The following MAD1L1 variants were observed in gnomAD, a reference collection of about 807,000 sequenced individuals.
The protein encoded by MAD1L1 is mitotic spindle assembly checkpoint protein MAD1.
A neutral mutation model predicts 96.9 loss-of-function variants in MAD1L1; 95 were observed. The observed-to-expected ratio is 0.98, with a 90% CI of 0.83 to 1.16. MAD1L1 has a LOEUF of 1.16. MAD1L1 is among the 50% of genes most tolerant of loss of function. MAD1L1 has a pLI of 0.00. For synonymous variants in MAD1L1, 473 were observed against 396.6 expected (o/e 1.19, Z -2.29); for missense variants, 1,007 against 954.4 (o/e 1.06, Z -0.73).
rs1044152150 is a variant in MAD1L1, at chr7:2,009,263, G to T, written c.1359+5239C>A. The stretch of plus-strand genomic sequence containing the variant: ...TGCCTGTGATCCAACACTCCTGCCA[G>T]CCAGGACATGGCAGAAAATGGCTAG... On this transcript the variant is annotated intron_variant, in intron 13 of 18. Coordinates refer to ENST00000265854, the MANE Select transcript of MAD1L1 (RefSeq NM_001013836.2). Among the ~76,000 whole-genome samples, 4 of 152,198 alleles carry T rather than the reference G, an allele frequency of 2.6e-5. No homozygotes were observed. The South Asian group carries it at 8.3e-4, about 32-fold the overall frequency.
chr7:2,164,496 G>A (rs940334556), intron 10 of MAD1L1, among the ~76,000 whole-genome samples: 22 of 149,978 alleles, frequency 1.5e-4, no homozygotes, highest in Admixed American at 9.3e-4. Context: ...AGGGGCAGAC[G>A]GCATGCCTAT....
chr7:1,910,076 G>A (rs1486764441), intron 17 of MAD1L1, among the ~76,000 whole-genome samples: 4 of 152,124 alleles, frequency 2.6e-5, no homozygotes, highest in African/African-American at 4.8e-5. Flanking sequence ...ACCAGATTAC[G>A]GGGTGGGAGA....
intron 11 of MAD1L1, among the ~76,000 whole-genome samples, chr7:2,145,906 C>A (rs1789273225): frequency 6.6e-6 from 1 of 152,232 alleles, no homozygotes; most frequent in South Asian, 2.1e-4. Flanking sequence ...TGGCTTCTGG[C>A]TTCACGGACG....
chr7:2,022,111 G>A lies in MAD1L1; in HGVS notation c.1219-7469C>T, dbSNP rs146187726. Among the ~76,000 whole-genome samples the A allele has an allele frequency of 1.7e-3, 252 of 152,168 alleles. 1 individual carries two copies. Among genetic ancestry groups the A allele is most frequent in the African/African-American group, 5.8e-3 (239 of 41,532 alleles). ...GCTGGGACTGCAGCTGTGAGCCGCT[G>A]AGCCTAGCTTACTTTCCTTAGTCTC... On this transcript the variant is annotated intron_variant, in intron 12 of 18. Coordinates refer to ENST00000265854, the MANE Select transcript of MAD1L1 (RefSeq NM_001013836.2).
intron 18 of MAD1L1, among the ~76,000 whole-genome samples, chr7:1,850,893 G>C (rs147249600): frequency 3.9e-4 from 59 of 152,256 alleles, no homozygotes; most frequent in African/African-American, 1.4e-3. Flanking sequence ...AAACCTGCCT[G>C]ACCCCGTGTG....
intron 15 of MAD1L1, among the ~76,000 whole-genome samples, chr7:1,975,531 G>C (rs896880402): frequency 2.6e-5 from 4 of 152,220 alleles, no homozygotes; most frequent in Non-Finnish European, 1.5e-5. Context: ...AAGCTTGGCA[G>C]GCAGGGACTG....
chr7:1,876,914 G>GA lies in MAD1L1; in HGVS notation c.1998+21285_1998+21286insT, dbSNP rs1554280463. On this transcript the variant is annotated intron_variant, in intron 18 of 18. Transcript: ENST00000265854. ...TGGGAAGGTGCGGTTCCATCTCCAG[G>GA]CCCCCCGCCCTGGTCCTCCTCCCAC... Among the ~76,000 whole-genome samples the GA allele has an allele frequency of 1.7e-5, 2 of 119,328 alleles. 1 individual carries two copies. The highest frequency in any genetic ancestry group is 3.8e-5 in the Non-Finnish European group (2 of 53,084). 78.3% of individuals were successfully genotyped at this position (119,328 alleles called of 152,430 possible). A position where few individuals can be genotyped will look rare whatever the true frequency, so the allele number is the denominator to read the frequency against.
intron 16 of MAD1L1, among the ~76,000 whole-genome samples, chr7:1,955,595 G>C (rs775500032): frequency 3.9e-5 from 6 of 152,186 alleles, no homozygotes; most frequent in African/African-American, 9.7e-5. Context: ...CCAGCCAAAA[G>C]AGAGATTTTC....
chr7:1,922,711 C>A (rs376458677), intron 17 of MAD1L1, among the ~76,000 whole-genome samples: 2 of 152,210 alleles, frequency 1.3e-5, no homozygotes, highest in African/African-American at 4.8e-5. Context: ...CCTGAGTCGG[C>A]GTTTCCCAGT....
chr7:1,978,277 C>T (rs1250639247), intron 15 of MAD1L1, among the ~76,000 whole-genome samples: 1 of 152,244 alleles, frequency 6.6e-6, no homozygotes, highest in African/African-American at 2.4e-5. Flanking sequence ...TACCCCCTCT[C>T]CGAGGCCTCC....
At chr7:2,229,389 T>C (rs1037949130) in intron 3 of MAD1L1, among the ~76,000 whole-genome samples, 5 of 152,238 alleles carry the variant, frequency 3.3e-5, no homozygotes, top group Non-Finnish European at 7.3e-5. Context: ...CCTGAAGTCC[T>C]TCAGGAGGCC....
intron 12 of MAD1L1, among the ~76,000 whole-genome samples, chr7:2,034,789 G>C (rs1783392246): frequency 1.3e-5 from 2 of 152,250 alleles, no homozygotes; most frequent in Non-Finnish European, 2.9e-5. Context: ...GAGACGTGGA[G>C]ATGAAATGCA....
chr7:2,054,853 G>A (rs1275986408), intron 12 of MAD1L1, among the ~76,000 whole-genome samples: 1 of 152,240 alleles, frequency 6.6e-6, no homozygotes, highest in Non-Finnish European at 1.5e-5. Flanking sequence ...GCTCGGCTGG[G>A]CCGTGCCCTC....
intron 10 of MAD1L1, among the ~76,000 whole-genome samples, chr7:2,187,526 A>T (rs1270099558): frequency 6.6e-6 from 1 of 152,190 alleles, no homozygotes; most frequent in African/African-American, 2.4e-5. Flanking sequence ...GGCTACTGAC[A>T]GGCACAATCA....
At position 1,842,992 on chromosome 7, in the gene MAD1L1, G is replaced by A. The variant is rs116804216; in HGVS notation, c.1999-26764C>T. Among the ~76,000 whole-genome samples, 402 of 152,344 alleles carry A rather than the reference G, an allele frequency of 2.6e-3. 2 individuals carry two copies. The highest frequency in any genetic ancestry group is 9.0e-3 in the African/African-American group (373 of 41,590). ...TTCAAGTGAGGCCCACAGTGGGGCT[G>A]CTGGTACTGAAATGGCATCCTGGCT... On this transcript the variant is annotated intron_variant, in intron 18 of 18. Coordinates refer to ENST00000265854, the MANE Select transcript of MAD1L1 (RefSeq NM_001013836.2).
intron 17 of MAD1L1, among the ~76,000 whole-genome samples, chr7:1,918,119 C>T (rs930719366): frequency 6.6e-6 from 1 of 152,170 alleles, no homozygotes; most frequent in Non-Finnish European, 1.5e-5. Flanking sequence ...TGCCCCGGAC[C>T]GTGCTCCACT....
In MAD1L1 at chr7:2,196,871, G is replaced by A. The variant is rs1792015953; in HGVS notation, c.986+16341C>T. Among the ~76,000 whole-genome samples the A allele has an allele frequency of 2.0e-5, 3 of 152,300 alleles. No individual in the cohort carries two copies. The South Asian group carries it at 6.2e-4, about 32-fold the overall frequency. Reference sequence around the variant, plus strand: ...TCCATGAGGCTCTCAACTGACAACAGGAAACACCGCCCACCCTCCCCACAC... The same window carrying A: ...TCCATGAGGCTCTCAACTGACAACAAGAAACACCGCCCACCCTCCCCACAC... On this transcript the variant is annotated intron_variant, in intron 10 of 18. Transcript: ENST00000265854.
In MAD1L1 at chr7:2,040,416, G is replaced by C. The variant is rs375129906; in HGVS notation, c.1219-25774C>G. Among the ~76,000 whole-genome samples the C allele has an allele frequency of 1.5e-3, 234 of 152,236 alleles. 2 individuals are homozygous for C. Among genetic ancestry groups the C allele is most frequent in the African/African-American group, 5.5e-3 (227 of 41,538 alleles). ...TTCCATCGTATTCCCAGGTCTCATC[G>C]GTGTCGGGAACTTTGCTCATTTTAT... is the stretch of plus-strand genomic sequence containing the variant. On this transcript the variant is annotated intron_variant, in intron 12 of 18. Transcript: ENST00000265854.
chr7:1,906,586 G>A (rs1397096509), intron 17 of MAD1L1, among the ~76,000 whole-genome samples: 1 of 152,248 alleles, frequency 6.6e-6, no homozygotes, highest in African/African-American at 2.4e-5. Flanking sequence ...CCACAGAGCT[G>A]TTTGAGATGC....
Sources: allele counts gnomAD v4.1 joint callset (sites outside exome capture counted in the v4.1 genomes callset), GRCh38; gene constraint gnomAD v4.1.1; transcripts MANE v1.5; gene names NCBI Gene and HGNC (gene_info 2026-07-23, HGNC 2026-07-21).